The following KCTD16 variants were observed in gnomAD, a reference collection of about 807,000 sequenced individuals.
The protein encoded by KCTD16 is BTB/POZ domain-containing protein KCTD16.
In KCTD16, 13 loss-of-function variants were observed where a neutral mutation model predicts 33.2. That is an observed-to-expected ratio of 0.39 (90% CI 0.25 to 0.62). The LOEUF (loss-of-function observed/expected upper bound fraction) is 0.62, where lower values mean the gene tolerates loss of function less well. KCTD16 is among the 20% of genes least tolerant of loss of function. The pLI, the probability that KCTD16 is intolerant of heterozygous loss-of-function variation, is 0.50. For synonymous variants in KCTD16, 197 were observed against 195.3 expected (o/e 1.01, Z -0.07); for missense variants, 441 against 525.1 (o/e 0.84, Z 1.57).
chr5:144,345,274 C>A (rs1435129129), intron 3 of KCTD16, among the ~76,000 whole-genome samples: 2 of 151,490 alleles, frequency 1.3e-5, no homozygotes, highest in African/African-American at 4.9e-5. Context: ...TTAATGGGTG[C>A]AGCACACCAG....
chr5:144,314,338 C>T (rs1034782367), intron 3 of KCTD16, among the ~76,000 whole-genome samples: 7 of 152,062 alleles, frequency 4.6e-5, no homozygotes, highest in East Asian at 1.9e-4. Context: ...TGAGATAAAG[C>T]GTAACTGTCT....
chr5:144,420,184 TTGTGAAAG>T (rs1259055732), intron 3 of KCTD16, among the ~76,000 whole-genome samples: 1 of 152,126 alleles, frequency 6.6e-6, no homozygotes, highest in Non-Finnish European at 1.5e-5. Flanking sequence ...TAATGTTTTG[TTGTGAAAG>T]TCTGTTCTGT....
rs117425676 is a variant in KCTD16, at chr5:144,203,256, G to T, written c.-326-3133G>T. 5.8e-4 allele frequency among the ~76,000 whole-genome samples: 88 copies of T among 151,590 alleles called. 1 individual carries two copies. The East Asian group carries it at 0.015, about 25-fold the overall frequency. On this transcript the variant is annotated intron_variant, in intron 2 of 3. Coordinates refer to ENST00000512467, the MANE Select transcript of KCTD16 (RefSeq NM_020768.4). ...AGTAATATTAATACTCTTTTTAAGA[G>T]TATTAATATTAATATTAATTCTTGG... is the stretch of plus-strand genomic sequence containing the variant.
At chr5:144,381,249 C>T (rs769390658) in intron 3 of KCTD16, among the ~76,000 whole-genome samples, 2 of 152,076 alleles carry the variant, frequency 1.3e-5, no homozygotes, top group Admixed American at 1.3e-4. Flanking sequence ...AATGAGATAC[C>T]GTCTCACACC....
At chr5:144,333,201 G>A (rs1752401084) in intron 3 of KCTD16, among the ~76,000 whole-genome samples, 1 of 152,148 alleles carries the variant, frequency 6.6e-6, no homozygotes, top group South Asian at 2.1e-4. Flanking sequence ...AAAAGTAATT[G>A]CATTATGAGC....
intron 3 of KCTD16, among the ~76,000 whole-genome samples, chr5:144,225,784 A>G (rs1160331815): frequency 1.3e-5 from 2 of 152,206 alleles, no homozygotes; most frequent in Admixed American, 6.5e-5. Context: ...AAATATTCAG[A>G]CAATGAGCTT....
intron 3 of KCTD16, among the ~76,000 whole-genome samples, chr5:144,429,880 C>A (rs1753419201): frequency 2.0e-5 from 3 of 151,176 alleles, no homozygotes; most frequent in Non-Finnish European, 4.4e-5. Flanking sequence ...ACCTTTAAAT[C>A]TAAAGACCAA....
intron 3 of KCTD16, among the ~76,000 whole-genome samples, chr5:144,447,552 A>T (rs1753848074): frequency 6.6e-6 from 1 of 152,088 alleles, no homozygotes; most frequent in Non-Finnish European, 1.5e-5. Flanking sequence ...ACCTGGAAGT[A>T]TAATTTAAAA....
At chr5:144,353,564 T>G (rs1751494948) in intron 3 of KCTD16, among the ~76,000 whole-genome samples, 1 of 152,216 alleles carries the variant, frequency 6.6e-6, no homozygotes, top group Admixed American at 6.5e-5. Context: ...GTATATAAAG[T>G]GCTTAGGCAG....
At chr5:144,291,536 T>A (rs1443524137) in intron 3 of KCTD16, among the ~76,000 whole-genome samples, 2 of 152,252 alleles carry the variant, frequency 1.3e-5, no homozygotes, top group Non-Finnish European at 2.9e-5. Context: ...AGGCTGTATA[T>A]CTTTAATATT....
chr5:144,279,929 T>C lies in KCTD16; in HGVS notation c.832+72383T>C, dbSNP rs150535732. 7.2e-5 allele frequency among the ~76,000 whole-genome samples: 11 copies of C among 152,374 alleles called. 1 individual carries two copies. The highest frequency in any genetic ancestry group is 5.8e-4 in the East Asian group (3 of 5,190). On this transcript the variant is annotated intron_variant, in intron 3 of 3. Transcript: ENST00000512467. ...TTCCCCCATCTATTGATATGATTTATATGACTTTCTTCTTTGGTGTATTAA... is the reference window on the plus strand; with the variant it reads ...TTCCCCCATCTATTGATATGATTTACATGACTTTCTTCTTTGGTGTATTAA...
At chr5:144,335,354 A>G (rs934593460) in intron 3 of KCTD16, among the ~76,000 whole-genome samples, 6 of 152,232 alleles carry the variant, frequency 3.9e-5, no homozygotes, top group Admixed American at 1.3e-4. Flanking sequence ...AATAGCTTAT[A>G]GCCAGGATGG....
intron 3 of KCTD16, among the ~76,000 whole-genome samples, chr5:144,436,853 C>T (rs1282921016): frequency 3.3e-5 from 5 of 151,936 alleles, no homozygotes; most frequent in Admixed American, 1.3e-4. Flanking sequence ...CCCAAAGTGC[C>T]AGGATTATAG....
At chr5:144,335,190 A>G (rs1752456278) in intron 3 of KCTD16, among the ~76,000 whole-genome samples, 1 of 152,208 alleles carries the variant, frequency 6.6e-6, no homozygotes, top group South Asian at 2.1e-4. Context: ...ATTAACTCCC[A>G]TGACATAGCA....
intron 3 of KCTD16, among the ~76,000 whole-genome samples, chr5:144,343,178 G>A (rs1320635552): frequency 6.6e-6 from 1 of 152,132 alleles, no homozygotes; most frequent in Non-Finnish European, 1.5e-5. Context: ...TGTACCTCTG[G>A]TAGAATTCGG....
At chr5:144,442,563 C>T (rs1753737258) in intron 3 of KCTD16, among the ~76,000 whole-genome samples, 1 of 150,584 alleles carries the variant, frequency 6.6e-6, no homozygotes, top group Non-Finnish European at 1.5e-5. Flanking sequence ...TTTTCTCCCT[C>T]CCTCCCTTTC....
chr5:144,464,620 T>C (rs1754275486), intron 3 of KCTD16, among the ~76,000 whole-genome samples: 1 of 152,212 alleles, frequency 6.6e-6, no homozygotes, highest in South Asian at 2.1e-4. Flanking sequence ...CTATCACACA[T>C]GACATGTGAT....
At chr5:144,236,724 C>A (rs980958270) in intron 3 of KCTD16, among the ~76,000 whole-genome samples, 13 of 152,092 alleles carry the variant, frequency 8.5e-5, no homozygotes, top group African/African-American at 2.7e-4. Flanking sequence ...TATGCAAATG[C>A]ATTTAGCCCT....
intron 3 of KCTD16, among the ~76,000 whole-genome samples, chr5:144,277,350 C>A (rs1755467415): frequency 6.6e-6 from 1 of 152,146 alleles, no homozygotes; most frequent in Non-Finnish European, 1.5e-5. Context: ...TGATCACAAT[C>A]TTGGCTGAAG....
Sources: gnomAD v4.1 joint callset for allele counts (sites outside exome capture counted in the v4.1 genomes callset) on GRCh38, gnomAD v4.1.1 for gene constraint, MANE v1.5 for transcripts, NCBI Gene and HGNC (gene_info 2026-07-23, HGNC 2026-07-21) for gene names.